SEMA5A: variants seen among roughly 807,000 people sequenced by gnomAD.
SEMA5A encodes the protein semaphorin 5A.
A neutral mutation model predicts 135.5 loss-of-function variants in SEMA5A; 55 were observed. That is an observed-to-expected ratio of 0.41 (90% confidence interval 0.33 to 0.51). SEMA5A has a LOEUF of 0.51. Ranked by LOEUF, SEMA5A falls within the 20% of genes least tolerant of loss-of-function variation. The pLI is 0.37. For missense variants in SEMA5A, 1,290 were observed against 1,419.9 expected (o/e 0.91, Z 1.47); for synonymous variants, 580 against 546.5 (o/e 1.06, Z -0.85).
intron 15 of SEMA5A, among the ~76,000 whole-genome samples, chr5:9,110,660 G>A (rs1440261838): frequency 6.6e-6 from 1 of 152,210 alleles, no homozygotes; most frequent in Non-Finnish European, 1.5e-5. Context: ...TTGATGTGTA[G>A]GGGGTGAAGG....
intron 3 of SEMA5A, among the ~76,000 whole-genome samples, chr5:9,349,587 C>T (rs1186046042): frequency 1.3e-5 from 2 of 152,210 alleles, no homozygotes; most frequent in East Asian, 3.9e-4. Flanking sequence ...TTTGTATGTC[C>T]CAGTAGCCAT....
rs149976984 is a variant in SEMA5A, at chr5:9,197,195, C to T, written c.1041G>A (p.Pro347=). The change falls in exon 10 of 23, where the codon CCG becomes CCA. Residue 347 remains proline (P), a synonymous_variant. Transcript: ENST00000382496. Reference sequence around the variant, plus strand: ...GGAAGTGGGGGTTTGGGTTGGGATACGGTAGCCAGGCCGAGCGCGAGTTTT... The same window carrying T: ...GGAAGTGGGGGTTTGGGTTGGGATATGGTAGCCAGGCCGAGCGCGAGTTTT... ...YQENSRSAWL[P]YPNPNPHFQC... 2.6e-4 allele frequency: 419 copies of T among 1,614,204 alleles called. No homozygotes were observed. Among genetic ancestry groups the T allele is most frequent in the Non-Finnish European group, 3.2e-4 (380 of 1,180,026 alleles).
Position 9,266,859 on chromosome 5 carries a change from T to C in SEMA5A, c.271-28969A>G, listed in dbSNP as rs1174591146. ...ACCAAAGCAGTATCAATATGGAAAG[T>C]TCAGCAAGCTCTGGATATTGGAAGA... is the stretch of plus-strand genomic sequence containing the variant. On this transcript the variant is annotated intron_variant, in intron 5 of 22. Transcript: ENST00000382496. 2.6e-5 allele frequency among the ~76,000 whole-genome samples: 4 copies of C among 152,178 alleles called. No homozygotes were observed. In the East Asian group the frequency reaches 7.7e-4, roughly 29 times the overall value.
At chr5:9,138,306 A>G (rs1353528801) in intron 12 of SEMA5A, among the ~76,000 whole-genome samples, 1 of 152,190 alleles carries the variant, frequency 6.6e-6, no homozygotes, top group Admixed American at 6.5e-5. Flanking sequence ...TATTCTGCAG[A>G]TATTTTATCC....
intron 11 of SEMA5A, among the ~76,000 whole-genome samples, chr5:9,159,414 G>A (rs753776821): frequency 2.6e-4 from 39 of 152,018 alleles, no homozygotes; most frequent in Non-Finnish European, 5.4e-4. Context: ...CCAACTGGAG[G>A]GCAATGAAAA....
chr5:9,221,552 T>C (rs62341024), intron 8 of SEMA5A, among the ~76,000 whole-genome samples: 4 of 150,782 alleles, frequency 2.7e-5, no homozygotes, highest in African/African-American at 7.3e-5. Flanking sequence ...TCCGCCCGCC[T>C]CGGCCTCCCA....
chr5:9,086,312 A>C (rs1043240163), intron 16 of SEMA5A, among the ~76,000 whole-genome samples: 1 of 152,108 alleles, frequency 6.6e-6, no homozygotes, highest in African/African-American at 2.4e-5. Flanking sequence ...GTCCCTACCC[A>C]AATCTCATCT....
intron 1 of SEMA5A, among the ~76,000 whole-genome samples, chr5:9,479,719 A>C (rs1328170881): frequency 1.3e-5 from 2 of 152,182 alleles, no homozygotes; most frequent in Admixed American, 1.3e-4. Flanking sequence ...GAACAAGGGA[A>C]ATCTTTGCTA....
At chr5:9,345,540 A>AT (rs1240360850) in intron 3 of SEMA5A, among the ~76,000 whole-genome samples, 2 of 151,786 alleles carry the variant, frequency 1.3e-5, no homozygotes, top group Admixed American at 1.3e-4. Context: ...AAAAAAAAAA[A>AT]AGTGGTCTGT....
At chr5:9,164,892 C>T (rs769806495) in intron 11 of SEMA5A, among the ~76,000 whole-genome samples, 16 of 151,956 alleles carry the variant, frequency 1.1e-4, no homozygotes, top group Middle Eastern at 3.2e-3. Context: ...AAGTGGGAAA[C>T]GAGGGGTGGA....
At chr5:9,207,102 G>GTATATATATATATATATATATATA (rs70943947) in intron 8 of SEMA5A, among the ~76,000 whole-genome samples, 15 of 97,666 alleles carry the variant, frequency 1.5e-4, no homozygotes, top group Admixed American at 2.2e-4. Context: ...ATGATCAAGT[G>GTATATATATATATATATATATATA]TATATATATA....
intron 11 of SEMA5A, among the ~76,000 whole-genome samples, chr5:9,185,975 T>A (rs1248358637): frequency 6.6e-6 from 1 of 152,068 alleles, no homozygotes; most frequent in South Asian, 2.1e-4. Flanking sequence ...TGTTTCCAAG[T>A]CAAGTAAGGG....
At chr5:9,536,720 A>T (rs1737789683) in intron 1 of SEMA5A, among the ~76,000 whole-genome samples, 1 of 152,176 alleles carries the variant, frequency 6.6e-6, no homozygotes, top group Non-Finnish European at 1.5e-5. Flanking sequence ...ATATCTGGAC[A>T]ATGGACCCCT....
At chr5:9,126,619 C>A (rs748281433) in intron 13 of SEMA5A, among the ~76,000 whole-genome samples, 2 of 150,698 alleles carry the variant, frequency 1.3e-5, no homozygotes, top group Non-Finnish European at 2.9e-5. Context: ...GAAAGAAATT[C>A]CTCAAGCCTG....
At chr5:9,490,874 C>G (rs1400717194) in intron 1 of SEMA5A, among the ~76,000 whole-genome samples, 1 of 152,206 alleles carries the variant, frequency 6.6e-6, no homozygotes, top group East Asian at 1.9e-4. Context: ...TTGGCCAATG[C>G]TCAGGCTGTC....
chr5:9,369,476 C>G (rs904466604), intron 3 of SEMA5A, among the ~76,000 whole-genome samples: 1 of 152,042 alleles, frequency 6.6e-6, no homozygotes, highest in African/African-American at 2.4e-5. Context: ...TAAATTTTTG[C>G]TCTTAACCTT....
intron 5 of SEMA5A, among the ~76,000 whole-genome samples, chr5:9,306,378 C>T (rs772642817): frequency 6.6e-6 from 1 of 152,182 alleles, no homozygotes; most frequent in African/African-American, 2.4e-5. Flanking sequence ...GACTGGTCTT[C>T]CAGTTCACTA....
chr5:9,384,599 GATAGATAGATAGATAGATAC>G (rs879920769), intron 2 of SEMA5A, among the ~76,000 whole-genome samples: 1,612 of 112,660 alleles, frequency 0.014, 92 homozygotes, highest in African/African-American at 0.018. Flanking sequence ...TAGATAGATA[GATAGATAGATAGATAGATAC>G]ATAGATAGAT....
chr5:9,487,125 G>A (rs1287718115), intron 1 of SEMA5A, among the ~76,000 whole-genome samples: 1 of 152,050 alleles, frequency 6.6e-6, no homozygotes, highest in East Asian at 1.9e-4. Flanking sequence ...ACACTGGTAA[G>A]TACAAGAACC....
Sources: gnomAD v4.1 joint callset for allele counts (sites outside exome capture counted in the v4.1 genomes callset) on GRCh38, gnomAD v4.1.1 for gene constraint, MANE v1.5 for transcripts, NCBI Gene and HGNC (gene_info 2026-07-23, HGNC 2026-07-21) for gene names.